The following ANKRD30BL variants were observed in gnomAD, a reference collection of about 807,000 sequenced individuals.
The protein encoded by ANKRD30BL is ankyrin repeat domain 30B like, also known as putative ankyrin repeat domain-containing protein 30B-like.
Under a neutral mutation model 18.4 loss-of-function variants are expected in ANKRD30BL, and 20 were observed. The ratio of observed to expected loss-of-function variants is 1.09; its 90% CI spans 0.77 to 1.58. The LOEUF (loss-of-function observed/expected upper bound fraction) is 1.58, where lower values mean the gene tolerates loss of function less well. Among genes scored for constraint, ANKRD30BL ranks in the 40% most tolerant of loss-of-function variants. The probability of loss-of-function intolerance (pLI) is 0.00; values close to 1 mark genes in which losing one functional copy is unlikely to be tolerated. For missense variants in ANKRD30BL, 224 were observed against 268.6 expected, an observed-to-expected ratio of 0.83 and a Z score of 1.16; for synonymous variants, 72 against 100.9, an observed-to-expected ratio of 0.71 and a Z score of 1.72.
At chr2:132,222,124 G>C (rs1325964439) in intron 1 of ANKRD30BL, among the ~76,000 whole-genome samples, 4 of 149,774 alleles carry the variant, frequency 2.7e-5, no homozygotes, top group African/African-American at 7.4e-5. Context: ...GCCCTATCTG[G>C]GAGGTGAGGG....
chr2:132,222,842 A>T (rs1679730376), intron 1 of ANKRD30BL, among the ~76,000 whole-genome samples: 1 of 116,464 alleles, frequency 8.6e-6, no homozygotes, highest in Non-Finnish European at 1.6e-5. Context: ...TAAAAAAAAA[A>T]AAAAAAAAAA....
At chr2:132,201,537 A>G (rs1291520364) in intron 1 of ANKRD30BL, among the ~76,000 whole-genome samples, 1 of 152,236 alleles carries the variant, frequency 6.6e-6, no homozygotes, top group African/African-American at 2.4e-5. Flanking sequence ...AAACACATGA[A>G]AAAATGCTCA....
At chr2:132,234,653 G>A (rs201135786) in intron 1 of ANKRD30BL, among the ~76,000 whole-genome samples, 64 of 152,074 alleles carry the variant, frequency 4.2e-4, no homozygotes, top group South Asian at 1.5e-3. Flanking sequence ...GTTGAATCTC[G>A]GAATAGACCA....
intron 1 of ANKRD30BL, among the ~76,000 whole-genome samples, chr2:132,213,553 A>G (rs1273295970): frequency 2.0e-5 from 3 of 152,180 alleles, no homozygotes. Flanking sequence ...GTTGAACCAT[A>G]CTTTTGATTG....
chr2:132,206,165 G>GAGAAAA (rs1679208948), intron 1 of ANKRD30BL, among the ~76,000 whole-genome samples: 1 of 151,886 alleles, frequency 6.6e-6, no homozygotes, highest in Non-Finnish European at 1.5e-5. Flanking sequence ...AAAGAGAAAA[G>GAGAAAA]AAAAGAGAAG....
At chr2:132,255,200 C>T (rs1296557599) in intron 1 of ANKRD30BL, among the ~76,000 whole-genome samples, 3 of 152,220 alleles carry the variant, frequency 2.0e-5, no homozygotes, top group Admixed American at 6.5e-5. Flanking sequence ...TGAAAACATT[C>T]TTGGCAAATG....
intron 1 of ANKRD30BL, among the ~76,000 whole-genome samples, chr2:132,187,565 C>T (rs113992238): frequency 2.0e-4 from 31 of 151,994 alleles, no homozygotes; most frequent in African/African-American, 7.0e-4. Flanking sequence ...GAGCCCACCT[C>T]GGCCTCCCAA....
At position 132,170,743 on chromosome 2, in the gene ANKRD30BL, T is replaced by C. The variant is rs560566537; in HGVS notation, n.442-13597A>G. ...AGTGTTTTCAGAAGGCCATGAATCT[T>C]ACATTTTAGAACCTGGTGGAGGGAA... On this transcript the variant is annotated intron_variant and non_coding_transcript_variant, in intron 1 of 4. Transcript: ENST00000470729. 4.0e-4 allele frequency among the ~76,000 whole-genome samples: 61 copies of C among 152,342 alleles called. No homozygotes were observed. The South Asian group carries it at 0.011, about 28-fold the overall frequency.
At chr2:132,220,909 G>T (rs1679655844) in intron 1 of ANKRD30BL, among the ~76,000 whole-genome samples, 1 of 151,596 alleles carries the variant, frequency 6.6e-6, no homozygotes, top group South Asian at 2.1e-4. Context: ...TCCCATCTAG[G>T]AAGCGAGGAG....
At chr2:132,236,445 C>T (rs1405489839) in intron 1 of ANKRD30BL, among the ~76,000 whole-genome samples, 2 of 151,960 alleles carry the variant, frequency 1.3e-5, no homozygotes, top group African/African-American at 4.8e-5. Context: ...ACAAACAACC[C>T]CATCAAAAAG....
intron 1 of ANKRD30BL, among the ~76,000 whole-genome samples, chr2:132,187,641 C>G (rs1688592044): frequency 6.6e-6 from 1 of 152,142 alleles, no homozygotes; most frequent in Admixed American, 6.5e-5. Context: ...TGTTATTTCT[C>G]CTTCCAGTTC....
intron 1 of ANKRD30BL, among the ~76,000 whole-genome samples, chr2:132,222,864 A>AAAAAAG (rs1679732182): frequency 6.9e-6 from 1 of 144,500 alleles, no homozygotes; most frequent in South Asian, 2.1e-4. Context: ...AAAAAAAAAA[A>AAAAAAG]GAAACACTGT....
chr2:132,166,238 T>G (rs1012979498), upstream of ANKRD30BL, among the ~76,000 whole-genome samples: 16 of 152,220 alleles, frequency 1.1e-4, no homozygotes, highest in African/African-American at 3.9e-4. Flanking sequence ...TCATGAGAGA[T>G]ATTGATATAT....
upstream of ANKRD30BL, among the ~76,000 whole-genome samples, chr2:132,166,558 A>T (rs897770312): frequency 6.6e-6 from 1 of 152,136 alleles, no homozygotes; most frequent in Non-Finnish European, 1.5e-5. Flanking sequence ...TGTCCATTTT[A>T]TATAGGTTAT....
At chr2:132,175,984 A>G (rs1443995418) in intron 1 of ANKRD30BL, among the ~76,000 whole-genome samples, 2 of 152,212 alleles carry the variant, frequency 1.3e-5, no homozygotes, top group Non-Finnish European at 2.9e-5. Flanking sequence ...GGAATTTCTT[A>G]TGTCTTTCCT....
chr2:132,154,952 A>G (rs1305446497), intron 3 of ANKRD30BL, 184 bp from the exon 4 acceptor site: 2 of 452,204 alleles, frequency 4.4e-6, no homozygotes, highest in African/African-American at 2.0e-5. Context: ...CAGCCTCTGC[A>G]TCACCACATT....
intron 1 of ANKRD30BL, among the ~76,000 whole-genome samples, chr2:132,234,869 C>A (rs1680112729): frequency 6.6e-6 from 1 of 152,090 alleles, no homozygotes; most frequent in South Asian, 2.1e-4. Flanking sequence ...CAAAGCCAGG[C>A]AGAGACACAA....
At chr2:132,192,990 A>T (rs1678891175) in intron 1 of ANKRD30BL, among the ~76,000 whole-genome samples, 1 of 152,210 alleles carries the variant, frequency 6.6e-6, no homozygotes, top group Non-Finnish European at 1.5e-5. Flanking sequence ...AATATCTGAG[A>T]CGAGGAAGCT....
At chr2:132,168,960 T>C (rs1039917324) in intron 1 of ANKRD30BL, among the ~76,000 whole-genome samples, 1 of 151,918 alleles carries the variant, frequency 6.6e-6, no homozygotes, top group African/African-American at 2.4e-5. Context: ...CTAACAATTA[T>C]GATATCTTTT....
Sources: allele counts gnomAD v4.1 joint callset (sites outside exome capture counted in the v4.1 genomes callset), GRCh38; gene constraint gnomAD v4.1.1; transcripts MANE v1.5; gene names NCBI Gene and HGNC (gene_info 2026-07-23, HGNC 2026-07-21).